RSRP1: variants seen among roughly 807,000 people sequenced by gnomAD.
RSRP1 encodes arginine and serine rich protein 1.
In RSRP1, 37 loss-of-function variants were observed where a neutral mutation model predicts 33.0. The observed-to-expected ratio is 1.12, with a 90% CI of 0.86 to 1.48. RSRP1 has a LOEUF of 1.48. Ranked by LOEUF, RSRP1 falls within the 40% of genes most tolerant of loss-of-function variation. The pLI is 0.00. For missense variants in RSRP1, 402 were observed against 385.3 expected, an observed-to-expected ratio of 1.04 and a Z score of -0.36; for synonymous variants, 167 against 158.7, an observed-to-expected ratio of 1.05 and a Z score of -0.40.
Position 25,283,281 on chromosome 1 carries a change from A to G in RSRP1, c.-66-36252T>C, listed in dbSNP as rs534802101. 2.3e-5 allele frequency among the ~76,000 whole-genome samples: 3 copies of G among 132,400 alleles called. No individual in the cohort carries two copies. The East Asian group carries it at 5.9e-4, about 26-fold the overall frequency. The allele number at this position is 132,400 out of a possible 152,430, so 86.9% of individuals were successfully genotyped here. ...CCCTGTGGCTCATGTCTGTAATCCC[A>G]TCACTTTGGGAAACCGAGGTGGGCA... On this transcript the variant is annotated intron_variant, in intron 1 of 1. Transcript: ENST00000561867.
intron 1 of RSRP1, among the ~76,000 whole-genome samples, chr1:25,255,643 T>C (rs540022428): frequency 6.6e-6 from 1 of 152,256 alleles, no homozygotes; most frequent in African/African-American, 2.4e-5. Flanking sequence ...ATTATTACAT[T>C]GTAATATATA....
In RSRP1 at chr1:25,247,005, C is replaced by A. The variant is rs894704827; in HGVS notation, c.-42G>T. On this transcript the variant is annotated 5_prime_UTR_variant, in exon 2 of 5. Coordinates refer to ENST00000243189, the MANE Select transcript of RSRP1 (RefSeq NM_020317.5). ...AGCCTGCGCTTTCTCCGGAAAGGATCCCGCAAGCCTCAACTCAGGACTTCC... is the reference window on the plus strand; with the variant it reads ...AGCCTGCGCTTTCTCCGGAAAGGATACCGCAAGCCTCAACTCAGGACTTCC... The A allele has an allele frequency of 6.6e-7, 1 of 1,510,180 alleles. No individual in the cohort carries two copies. The highest frequency in any genetic ancestry group is 1.4e-5 in the African/African-American group (1 of 71,528). 93.5% of individuals were successfully genotyped at this position (1,510,180 alleles called of 1,614,324 possible). A position where few individuals can be genotyped will look rare whatever the true frequency, so the allele number is the denominator to read the frequency against.
intron 1 of RSRP1, among the ~76,000 whole-genome samples, chr1:25,305,432 T>C (rs189615856): frequency 8.0e-6 from 1 of 125,312 alleles, no homozygotes; most frequent in East Asian, 2.0e-4. Flanking sequence ...AGTCTCATTC[T>C]GTCACCCAGG....
intron 1 of RSRP1, among the ~76,000 whole-genome samples, chr1:25,308,894 A>G (rs1643990484): frequency 7.6e-6 from 1 of 131,326 alleles, no homozygotes; most frequent in Admixed American, 7.4e-5. Context: ...AACTCTCTAA[A>G]TCTCAGTTTT....
At chr1:25,247,229 G>A (rs560551133) in intron 1 of RSRP1, 80 bp downstream of exon 1, 1 of 434,020 alleles carries the variant, frequency 2.3e-6, no homozygotes, top group South Asian at 5.2e-5. Context: ...CCCAAACGCG[G>A]GGCCCGGCAC....
intron 1 of RSRP1, among the ~76,000 whole-genome samples, chr1:25,255,611 C>T (rs1639923064): frequency 1.3e-5 from 2 of 152,112 alleles, no homozygotes; most frequent in Non-Finnish European, 2.9e-5. Flanking sequence ...AAGTGCATTA[C>T]ATTTATTGTG....
chr1:25,313,926 T>C (rs1216070594), intron 1 of RSRP1, among the ~76,000 whole-genome samples: 1 of 133,172 alleles, frequency 7.5e-6, no homozygotes, highest in Admixed American at 7.3e-5. Flanking sequence ...TAAGAAAAGA[T>C]AGTTGGAACA....
intron 1 of RSRP1, among the ~76,000 whole-genome samples, chr1:25,333,453 T>G: frequency 7.7e-6 from 1 of 129,336 alleles, no homozygotes; most frequent in Non-Finnish European, 1.8e-5. Context: ...CATGTGGGTA[T>G]GGGGAATACA....
At chr1:25,331,646 A>T (rs28376315) in intron 1 of RSRP1, among the ~76,000 whole-genome samples, 2 of 105,326 alleles carry the variant, frequency 1.9e-5, no homozygotes, top group African/African-American at 6.2e-5. Context: ...CGGCTCACTG[A>T]AACCTCCGCC....
rs1640436117 is a variant in RSRP1, at chr1:25,269,730, T to C, written c.-66-22701A>G. ...AGGGGAAGAGCAAAACCTCTGCTTT[T>C]GACAAATCTGTTGGGAGAGGCCAAC... is the stretch of plus-strand genomic sequence containing the variant. On this transcript the variant is annotated intron_variant, in intron 1 of 1. Coordinates refer to the RSRP1 transcript ENST00000561867. 3.0e-5 allele frequency among the ~76,000 whole-genome samples: 4 copies of C among 132,914 alleles called. 2 individuals carry two copies. The highest frequency in any genetic ancestry group is 7.2e-5 in the Non-Finnish European group (4 of 55,926). The allele number at this position is 132,914 out of a possible 152,430, so 87.2% of individuals were successfully genotyped here.
In RSRP1 at chr1:25,246,792, G is replaced by A. The variant is rs751521772; in HGVS notation, c.172C>T (p.Arg58Trp). 4 of 1,613,464 alleles carry A rather than the reference G, an allele frequency of 2.5e-6. No homozygotes were observed. Among genetic ancestry groups the A allele is most frequent in the Non-Finnish European group, 3.4e-6 (4 of 1,179,662 alleles). ...RVSSRFSSRS[R>W]RSKSRSRSRR... Reference sequence around the variant, plus strand: ...GAACGGGACCTGGACTTGCTCCTCCGACTCCTGGACGAAAACCGGCTCGAG... The same window carrying A: ...GAACGGGACCTGGACTTGCTCCTCCAACTCCTGGACGAAAACCGGCTCGAG... The change falls in exon 2 of 5, where the codon CGG becomes TGG. Residue 58 changes from arginine to tryptophan, a missense_variant. Transcript: ENST00000243189.
rs1639140970 is a variant in RSRP1, at chr1:25,244,108, G to A, written c.673-475C>T. ...ACGGGAGTCTTGCTCTGTCACCCAG[G>A]CTGGAGTGAAAAGTACAGTGCAATT... On this transcript the variant is annotated intron_variant, in intron 3 of 4. Coordinates refer to ENST00000243189, the MANE Select transcript of RSRP1 (RefSeq NM_020317.5). 3.2e-6 allele frequency: 4 copies of A among 1,262,302 alleles called. No homozygotes were observed. In the Admixed American group the frequency reaches 7.9e-5, roughly 25 times the overall value. The allele number at this position is 1,262,302 out of a possible 1,614,324, so 78.2% of individuals were successfully genotyped here. A position where few individuals can be genotyped will look rare whatever the true frequency, so the allele number is the denominator to read the frequency against.
rs1249046663 is a variant in RSRP1 at position 25,283,144 on chromosome 1, C to A, written c.-66-36115G>T. 4.3e-4 allele frequency among the ~76,000 whole-genome samples: 57 copies of A among 132,130 alleles called. 8 individuals carry two copies. The highest frequency in any genetic ancestry group is 1.4e-3 in the African/African-American group (54 of 38,722). 86.7% of individuals were successfully genotyped at this position (132,130 alleles called of 152,430 possible). On this transcript the variant is annotated intron_variant, in intron 1 of 1. Transcript: ENST00000561867. ...TGGCAACCTAATGAAGGAGTATGAT[C>A]ATTTCCCCTATTTAACAGACAAGAA...
Position 25,305,750 on chromosome 1 carries a change from A to G in RSRP1, c.-67+32228T>C, listed in dbSNP as rs574989885. 5.1e-3 allele frequency among the ~76,000 whole-genome samples: 659 copies of G among 129,876 alleles called. 97 individuals carry two copies. Among genetic ancestry groups the G allele is most frequent in the African/African-American group, 0.016 (608 of 37,642 alleles). 85.2% of individuals were successfully genotyped at this position (129,876 alleles called of 152,430 possible). A position where few individuals can be genotyped will look rare whatever the true frequency, so the allele number is the denominator to read the frequency against. ...TGAGTAGCTGGGTCTACAGGCGCCC[A>G]CCACCACGCCCAGCTAATTTTTTGT... On this transcript the variant is annotated intron_variant, in intron 1 of 1. Transcript: ENST00000561867.
chr1:25,294,485 CGGTGA>C, intron 1 of RSRP1: 2 of 682,048 alleles, frequency 2.9e-6, no homozygotes, highest in Non-Finnish European at 5.3e-6. Context: ...AATGGTGGCT[CGGTGA>C]CAAGTGTATG....
chr1:25,297,225 C>G (rs1406976655), intron 1 of RSRP1, among the ~76,000 whole-genome samples: 1 of 87,526 alleles, frequency 1.1e-5, no homozygotes, highest in Non-Finnish European at 2.8e-5. Flanking sequence ...GTGGGTTTGT[C>G]TGCTGTTCCT....
chr1:25,338,070 T>G (rs1645114785), exon 1 of RSRP1: 1 of 152,344 alleles, frequency 6.6e-6, no homozygotes. Context: ...ACTCGTCACC[T>G]CACTCAAGAC....
intron 1 of RSRP1, among the ~76,000 whole-genome samples, chr1:25,305,583 TTTG>T (rs200713124): frequency 0.037 from 4,374 of 118,856 alleles, 599 homozygotes; most frequent in African/African-American, 0.11. Context: ...GTGTATGTAT[TTTG>T]TTGTTGTTGT....
chr1:25,249,487 C>T (rs77141896), upstream of RSRP1, among the ~76,000 whole-genome samples: 1,878 of 152,256 alleles, frequency 0.012, 34 homozygotes, highest in African/African-American at 0.042. Context: ...TACAGACGTG[C>T]ACCATCATGC....
Sources: allele counts gnomAD v4.1 joint callset (sites outside exome capture counted in the v4.1 genomes callset), GRCh38; gene constraint gnomAD v4.1.1; transcripts MANE v1.5; gene names NCBI Gene and HGNC (gene_info 2026-07-23, HGNC 2026-07-21).